The following PKNOX2 variants were observed in gnomAD, a reference collection of about 807,000 sequenced individuals.
The protein encoded by PKNOX2 is PBX/knotted 1 homeobox 2, also known as homeobox protein PKNOX2.
PKNOX2 carries 14 observed loss-of-function variants against 53.1 expected under a neutral mutation model. The observed-to-expected ratio is 0.26, with a 90% CI of 0.17 to 0.41. The LOEUF is 0.41. Among genes scored for constraint, PKNOX2 ranks in the 10% least tolerant of loss-of-function variants. The pLI, the probability that PKNOX2 is intolerant of heterozygous loss-of-function variation, is 1.00. For synonymous variants in PKNOX2, 257 were observed against 242.8 expected, an observed-to-expected ratio of 1.06 and a Z score of -0.54; for missense variants, 496 against 602.8, an observed-to-expected ratio of 0.82 and a Z score of 1.85.
rs1591544627 is a variant in PKNOX2, at chr11:125,367,918, A to C, written c.160A>C (p.Thr54Pro). The C allele has an allele frequency of 1.2e-6, 2 of 1,613,694 alleles. No homozygotes were observed. Among genetic ancestry groups the C allele is most frequent in the Non-Finnish European group, 1.7e-6 (2 of 1,179,902 alleles). ...CTCTGCCCCCTCAGCTGCTGCCAGC[A>C]CACCTGTGCCCAGTGCCCCCATCGA... is the stretch of plus-strand genomic sequence containing the variant. ...HISAPSAAAS[T>P]PVPSAPIDPQ... The change falls in exon 5 of 13, where the codon ACA (threonine) becomes CCA (proline). Residue 54 changes from threonine (T) to proline (P), a missense_variant. Transcript: ENST00000298282.
At chr11:125,192,575 G>T (rs1249966053) in intron 1 of PKNOX2, among the ~76,000 whole-genome samples, 1 of 152,206 alleles carries the variant, frequency 6.6e-6, no homozygotes, top group African/African-American at 2.4e-5. Context: ...CCTCCCACAA[G>T]TGATAACAAC....
In PKNOX2 at chr11:125,367,917, C is replaced by T; in HGVS notation, c.159C>T (p.Ser53=). The T allele has an allele frequency of 6.2e-7, 1 of 1,613,760 alleles. No homozygotes were observed. Among genetic ancestry groups the T allele is most frequent in the Non-Finnish European group, 8.5e-7 (1 of 1,179,922 alleles). Residue 53 remains serine, a synonymous_variant, in exon 5 of 13, where the codon AGC becomes AGT. Transcript: ENST00000298282. The part of the protein sequence containing the change: ...VHISAPSAAA[S]TPVPSAPIDP... ...TCTCTGCCCCCTCAGCTGCTGCCAG[C>T]ACACCTGTGCCCAGTGCCCCCATCG... is the stretch of plus-strand genomic sequence containing the variant.
intron 2 of PKNOX2, among the ~76,000 whole-genome samples, chr11:125,237,744 A>G (rs1942830491): frequency 6.6e-6 from 1 of 152,146 alleles, no homozygotes; most frequent in African/African-American, 2.4e-5. Flanking sequence ...AGAAACTTCG[A>G]CCTCAGGGTC....
At chr11:125,351,646 T>C (rs1951331999) in intron 4 of PKNOX2, among the ~76,000 whole-genome samples, 1 of 152,172 alleles carries the variant, frequency 6.6e-6, no homozygotes, top group African/African-American at 2.4e-5. Flanking sequence ...GCCACAGTCC[T>C]GGCCTCCACC....
chr11:125,359,384 C>T (rs1252075147), intron 4 of PKNOX2, among the ~76,000 whole-genome samples: 1 of 152,128 alleles, frequency 6.6e-6, no homozygotes, highest in Non-Finnish European at 1.5e-5. Flanking sequence ...ACAGACTCTT[C>T]TCTTTCTTTT....
intron 2 of PKNOX2, among the ~76,000 whole-genome samples, chr11:125,248,399 A>G (rs1484038961): frequency 2.6e-5 from 4 of 152,190 alleles, no homozygotes; most frequent in Non-Finnish European, 5.9e-5. Flanking sequence ...GATACTCTAC[A>G]GGCAAAGCCT....
At chr11:125,210,539 T>C (rs1939711782) in intron 1 of PKNOX2, among the ~76,000 whole-genome samples, 1 of 152,106 alleles carries the variant, frequency 6.6e-6, no homozygotes, top group Admixed American at 6.5e-5. Flanking sequence ...TGTGGGAAGA[T>C]GTGAAGAAGG....
At chr11:125,233,762 T>A (rs946057506) in intron 1 of PKNOX2, among the ~76,000 whole-genome samples, 1 of 152,238 alleles carries the variant, frequency 6.6e-6, no homozygotes, top group African/African-American at 2.4e-5. Flanking sequence ...TGCCTGAATC[T>A]TCTAACTGAA....
rs115340277 is a variant in PKNOX2, at chr11:125,261,658, C to T, written c.-130+26543C>T. 3.9e-3 allele frequency among the ~76,000 whole-genome samples: 588 copies of T among 152,312 alleles called. 1 individual carries two copies. Among genetic ancestry groups the T allele is most frequent in the African/African-American group, 0.013 (557 of 41,566 alleles). Reference sequence around the variant, plus strand: ...GAAGCAGGAGCACCAGTGATACTCTCAGCAGGGCATCTCACCCCCAAGTCA... The same window carrying T: ...GAAGCAGGAGCACCAGTGATACTCTTAGCAGGGCATCTCACCCCCAAGTCA... On this transcript the variant is annotated intron_variant, in intron 2 of 12. Coordinates refer to ENST00000298282, the MANE Select transcript of PKNOX2 (RefSeq NM_001382323.2).
At chr11:125,257,114 A>G (rs1944462887) in intron 2 of PKNOX2, among the ~76,000 whole-genome samples, 1 of 151,736 alleles carries the variant, frequency 6.6e-6, no homozygotes, top group Non-Finnish European at 1.5e-5. Flanking sequence ...CCAAAGCTGT[A>G]TTATTCTGTG....
chr11:125,430,745 TG>T (rs1213062478), intron 12 of PKNOX2, among the ~76,000 whole-genome samples: 1 of 106,832 alleles, frequency 9.4e-6, no homozygotes, highest in Non-Finnish European at 1.9e-5. Flanking sequence ...AGCCATCTTA[TG>T]GGTTATGATG....
intron 2 of PKNOX2, among the ~76,000 whole-genome samples, chr11:125,314,443 C>T (rs1261597661): frequency 6.6e-6 from 1 of 152,266 alleles, no homozygotes; most frequent in East Asian, 1.9e-4. Flanking sequence ...ACTCAGAGCT[C>T]GCGTCCAGAT....
chr11:125,353,146 C>T (rs980546459), intron 4 of PKNOX2, among the ~76,000 whole-genome samples: 1 of 152,220 alleles, frequency 6.6e-6, no homozygotes, highest in Non-Finnish European at 1.5e-5. Context: ...TGACTGGATT[C>T]TCTCTCCAGA....
At chr11:125,387,731 A>G (rs1309198940) in intron 6 of PKNOX2, among the ~76,000 whole-genome samples, 2 of 152,164 alleles carry the variant, frequency 1.3e-5, no homozygotes, top group Non-Finnish European at 2.9e-5. Flanking sequence ...GTGTCCAGCC[A>G]GTGGAGCAAT....
chr11:125,331,954 T>C (rs930625142), intron 3 of PKNOX2, 29 bp downstream of exon 3: 1 of 152,018 alleles, frequency 6.6e-6, no homozygotes, highest in Admixed American at 6.5e-5. Flanking sequence ...TCGTTTAACA[T>C]ACAGTTACAC....
chr11:125,233,167 G>A (rs990641695), intron 1 of PKNOX2, among the ~76,000 whole-genome samples: 3 of 152,194 alleles, frequency 2.0e-5, no homozygotes, highest in Non-Finnish European at 2.9e-5. Flanking sequence ...CTTGCTAAAA[G>A]TTTTATAACA....
At chr11:125,426,077 A>G (rs1335722296) in intron 10 of PKNOX2, among the ~76,000 whole-genome samples, 3 of 152,130 alleles carry the variant, frequency 2.0e-5, no homozygotes, top group Non-Finnish European at 2.9e-5. Flanking sequence ...TGTGACATTC[A>G]CTCAGAATGG....
chr11:125,397,792 TG>T (rs1954500603), intron 6 of PKNOX2, 81 bp from the exon 7 acceptor site: 1 of 1,403,592 alleles, frequency 7.1e-7, no homozygotes, highest in East Asian at 2.3e-5. Flanking sequence ...TCCCCTCCCC[TG>T]GGGTGGTGGG....
intron 2 of PKNOX2, among the ~76,000 whole-genome samples, chr11:125,326,827 C>G (rs1040357686): frequency 6.6e-6 from 1 of 152,200 alleles, no homozygotes; most frequent in Non-Finnish European, 1.5e-5. Flanking sequence ...CATGCTTCAT[C>G]CAACATCACA....
Sources: allele counts gnomAD v4.1 joint callset (sites outside exome capture counted in the v4.1 genomes callset), GRCh38; gene constraint gnomAD v4.1.1; transcripts MANE v1.5; gene names NCBI Gene and HGNC (gene_info 2026-07-23, HGNC 2026-07-21).